Variants in SYCP3 observed in about 807,000 individuals in gnomAD.
SYCP3 encodes the protein synaptonemal complex protein 3.
A neutral mutation model predicts 38.5 loss-of-function variants in SYCP3; 29 were observed. The observed-to-expected ratio is 0.75, with a 90% confidence interval of 0.56 to 1.03. The LOEUF (loss-of-function observed/expected upper bound fraction) is 1.03. Ranked by LOEUF, SYCP3 falls within the 50% of genes least tolerant of loss-of-function variation. The pLI, the probability that SYCP3 is intolerant of heterozygous loss-of-function variation, is 0.00. For synonymous variants in SYCP3, 79 were observed against 80.3 expected, an observed-to-expected ratio of 0.98 and a Z score of 0.08; for missense variants, 242 against 270.7, an observed-to-expected ratio of 0.89 and a Z score of 0.74.
intron 7 of SYCP3, chr12:101,730,575 C>G: frequency 2.7e-6 from 1 of 363,978 alleles, no homozygotes; most frequent in South Asian, 2.1e-5. Context: ...CTCACTGCAA[C>G]CTTTGCCTCC....
At position 101,739,397 on chromosome 12, in the gene SYCP3, G is replaced by A. The variant is rs886048840; in HGVS notation, c.-64C>T. 9 of 1,002,646 alleles carry A rather than the reference G, an allele frequency of 9.0e-6. No individual in the cohort carries two copies. Among genetic ancestry groups the A allele is most frequent in the Non-Finnish European group, 1.1e-5 (9 of 830,356 alleles). The allele number at this position is 1,002,646 out of a possible 1,614,324, so 62.1% of individuals were successfully genotyped here. The stretch of plus-strand genomic sequence containing the variant: ...GAGGACCAGTTACTGGTCGTCGACA[G>A]GCGTCCTCCACAACTCCTCCACAAG... On this transcript the variant is annotated 5_prime_UTR_variant, in exon 1 of 9. Transcript: ENST00000392924.
intron 4 of SYCP3, among the ~76,000 whole-genome samples, chr12:101,735,768 A>T (rs1031237974): frequency 2.7e-5 from 4 of 150,364 alleles, no homozygotes; most frequent in African/African-American, 9.8e-5. Flanking sequence ...CATTATAGAA[A>T]ATATGTAAAA....
intron 1 of SYCP3, 122 bp from the exon 2 acceptor site, chr12:101,738,074 C>A: frequency 8.3e-7 from 1 of 1,201,496 alleles, no homozygotes; most frequent in Non-Finnish European, 1.2e-6. Context: ...TTAACAGTTT[C>A]CTCATTTATT....
intron 2 of SYCP3, 154 bp from the exon 3 acceptor site, chr12:101,737,452 G>A (rs1952498163): frequency 1.3e-6 from 1 of 756,790 alleles, no homozygotes; most frequent in Non-Finnish European, 2.1e-6. Flanking sequence ...TTCTCTGCAG[G>A]TTAGGTGAAA....
intron 4 of SYCP3, among the ~76,000 whole-genome samples, chr12:101,735,871 A>ATATATATTTTTTTTT: frequency 2.7e-5 from 2 of 74,790 alleles, no homozygotes; most frequent in Non-Finnish European, 5.0e-5. Flanking sequence ...ATATATATAT[A>ATATATATTTTTTTTT]TTTTTTTTTT....
intron 6 of SYCP3, 87 bp from the exon 7 acceptor site, chr12:101,731,753 A>C (rs569190618): frequency 4.2e-6 from 4 of 951,348 alleles, no homozygotes; most frequent in Non-Finnish European, 6.1e-6. Context: ...TTAAACTTAA[A>C]AGAAAGTGTT....
Position 101,733,583 on chromosome 12 carries a change from TTTC to T in SYCP3, c.442_444del (p.Glu148del). ...CTAATCATGATACCAACAAGTATTT[TTTC>T]TTCTTGTTCCTCAGCTTTCTGCATA... On this transcript the variant is annotated inframe_deletion, in exon 6 of 9. Transcript: ENST00000392924. The T allele has an allele frequency of 6.2e-7, 1 of 1,611,940 alleles. No homozygotes were observed. The highest frequency in any genetic ancestry group is 8.5e-7 in the Non-Finnish European group (1 of 1,179,456).
At chr12:101,738,582 C>T (rs1952567928) in intron 1 of SYCP3, among the ~76,000 whole-genome samples, 1 of 152,036 alleles carries the variant, frequency 6.6e-6, no homozygotes, top group Non-Finnish European at 1.5e-5. Context: ...ACTAAAAATA[C>T]AAAATTAGCC....
At chr12:101,739,047 C>T (rs1405508300) in intron 1 of SYCP3, among the ~76,000 whole-genome samples, 1 of 152,224 alleles carries the variant, frequency 6.6e-6, no homozygotes. Context: ...CGAGGAACCA[C>T]GAAAGGCGCC....
intron 7 of SYCP3, chr12:101,730,578 T>C (rs1466585516): frequency 5.5e-6 from 2 of 364,236 alleles, no homozygotes; most frequent in African/African-American, 4.5e-5. Flanking sequence ...ACTGCAACCT[T>C]TGCCTCCAGG....
chr12:101,735,672 A>G lies in SYCP3; in HGVS notation c.236-628T>C, dbSNP rs550848212. 9.8e-4 allele frequency among the ~76,000 whole-genome samples: 149 copies of G among 151,870 alleles called. 2 individuals carry two copies. In the South Asian group the frequency reaches 0.017, roughly 18 times the overall value. ...GAGACTCCGTCTCAAAAATAAAAAA[A>G]AATTTTTAAAAAGGCTAAATTTATC... On this transcript the variant is annotated intron_variant, in intron 4 of 8. Transcript: ENST00000392924.
intron 4 of SYCP3, among the ~76,000 whole-genome samples, chr12:101,736,035 T>TAA (rs60266633): frequency 0.61 from 91,316 of 148,644 alleles, 29,048 homozygotes; most frequent in East Asian, 0.89. Flanking sequence ...CATTTTTTAC[T>TAA]AAGAGACAAA....
At chr12:101,729,294 AGT>A in intron 7 of SYCP3, 81 bp from the exon 8 acceptor site, 1 of 1,368,000 alleles carries the variant, frequency 7.3e-7, no homozygotes, top group Non-Finnish European at 1.0e-6. Flanking sequence ...AATTTTCAAA[AGT>A]AGTAATTTTT....
chr12:101,728,787 A>C lies in SYCP3; in HGVS notation c.*140T>G. 3 of 1,217,654 alleles carry C rather than the reference A, an allele frequency of 2.5e-6. No individual in the cohort carries two copies. The highest frequency in any genetic ancestry group is 3.5e-6 in the Non-Finnish European group (3 of 857,520). 75.4% of individuals were successfully genotyped at this position (1,217,654 alleles called of 1,614,324 possible). ...TAACTATTTAGATTTGACTTAACAG[A>C]AAGGGAGGTCTTACAATGAAACAGG... On this transcript the variant is annotated 3_prime_UTR_variant, in exon 9 of 9. Transcript: ENST00000392924.
chr12:101,739,108 G>A (rs897323623), intron 1 of SYCP3, among the ~76,000 whole-genome samples: 57 of 152,202 alleles, frequency 3.7e-4, no homozygotes, highest in Admixed American at 3.5e-3. Context: ...GTAGGGCCCT[G>A]CCCGGCCCCG....
chr12:101,731,486 TAA>T, intron 7 of SYCP3, 80 bp downstream of exon 7: 1 of 981,890 alleles, frequency 1.0e-6, no homozygotes, highest in Admixed American at 3.2e-5. Context: ...TTTTTTCCCA[TAA>T]ACTTAGAAAG....
chr12:101,737,209 A>G (rs1468855927), intron 3 of SYCP3, 23 bp downstream of exon 3: 1 of 1,612,670 alleles, frequency 6.2e-7, no homozygotes, highest in South Asian at 1.1e-5. Context: ...TCTAAGAAAC[A>G]AAAATTATTT....
At chr12:101,734,199 C>T (rs1952307778) in intron 5 of SYCP3, among the ~76,000 whole-genome samples, 1 of 152,174 alleles carries the variant, frequency 6.6e-6, no homozygotes, top group South Asian at 2.1e-4. Context: ...CATAATTCAC[C>T]ATCATAAGAC....
At chr12:101,738,484 C>T (rs890269911) in intron 1 of SYCP3, among the ~76,000 whole-genome samples, 12 of 151,100 alleles carry the variant, frequency 7.9e-5, no homozygotes, top group African/African-American at 2.9e-4. Flanking sequence ...TGCCTGTAAT[C>T]CCATCACTTT....
Sources: gnomAD v4.1 joint callset for allele counts (sites outside exome capture counted in the v4.1 genomes callset) on GRCh38, gnomAD v4.1.1 for gene constraint, MANE v1.5 for transcripts, NCBI Gene and HGNC (gene_info 2026-07-23, HGNC 2026-07-21) for gene names.